MCU: variants seen among roughly 807,000 people sequenced by gnomAD.
MCU encodes calcium uniporter protein, mitochondrial.
In MCU, 12 loss-of-function variants were observed where a neutral mutation model predicts 45.2. The observed-to-expected ratio is 0.27, with a 90% CI of 0.17 to 0.43. The LOEUF (loss-of-function observed/expected upper bound fraction) is 0.43, where lower values mean the gene tolerates loss of function less well. Among genes scored for constraint, MCU ranks in the 20% least tolerant of loss-of-function variants. MCU has a pLI of 1.00. For missense variants in MCU, 324 were observed against 436.7 expected, an observed-to-expected ratio of 0.74 and a Z score of 2.30; for synonymous variants, 160 against 165.1, an observed-to-expected ratio of 0.97 and a Z score of 0.24.
At chr10:72,812,586 A>G (rs1462814950) in intron 1 of MCU, among the ~76,000 whole-genome samples, 3 of 152,186 alleles carry the variant, frequency 2.0e-5, no homozygotes, top group Non-Finnish European at 4.4e-5. Context: ...CAAAAGGACA[A>G]AGGAACCTCA....
At chr10:72,705,339 C>G (rs1458344584) in intron 1 of MCU, among the ~76,000 whole-genome samples, 1 of 152,100 alleles carries the variant, frequency 6.6e-6, no homozygotes, top group East Asian at 1.9e-4. Flanking sequence ...CTACTCTGTT[C>G]CATAGAATTT....
At chr10:72,696,942 C>T (rs1194895991) in intron 1 of MCU, among the ~76,000 whole-genome samples, 1 of 151,952 alleles carries the variant, frequency 6.6e-6, no homozygotes, top group Non-Finnish European at 1.5e-5. Context: ...GAGTTGGTAC[C>T]ATTGGATTAG....
intron 5 of MCU, among the ~76,000 whole-genome samples, chr10:72,869,603 AAAAC>A (rs1406610801): frequency 6.6e-6 from 1 of 152,184 alleles, no homozygotes; most frequent in Non-Finnish European, 1.5e-5. Context: ...AACAAACAAA[AAAAC>A]AACAACAACA....
chr10:72,885,998 C>A lies in MCU; in HGVS notation c.*176C>A. 1 of 575,726 alleles carries A rather than the reference C, an allele frequency of 1.7e-6. No individual in the cohort carries two copies. Among genetic ancestry groups the A allele is most frequent in the East Asian group, 2.9e-5 (1 of 34,356 alleles). 35.7% of individuals were successfully genotyped at this position (575,726 alleles called of 1,614,324 possible). A position where few individuals can be genotyped will look rare whatever the true frequency, so the allele number is the denominator to read the frequency against. The stretch of plus-strand genomic sequence containing the variant: ...GGAATGTTAAAACCTGAGGATCAGG[C>A]ATTGTGGAATATAAGCTCAAAGGGC... On this transcript the variant is annotated 3_prime_UTR_variant, in exon 8 of 8. Coordinates refer to ENST00000373053, the MANE Select transcript of MCU (RefSeq NM_138357.3).
intron 1 of MCU, among the ~76,000 whole-genome samples, chr10:72,803,762 G>A (rs1311142300): frequency 2.0e-5 from 3 of 150,956 alleles, no homozygotes; most frequent in African/African-American, 7.3e-5. Flanking sequence ...ATTGTTTTAT[G>A]GAAATTATTT....
intron 4 of MCU, among the ~76,000 whole-genome samples, chr10:72,861,093 C>T (rs904531219): frequency 2.0e-5 from 3 of 152,030 alleles, no homozygotes; most frequent in African/African-American, 7.2e-5. Context: ...GGCATAATCA[C>T]AGCTCACTGC....
chr10:72,779,826 T>C (rs1843961582), intron 1 of MCU, among the ~76,000 whole-genome samples: 1 of 152,188 alleles, frequency 6.6e-6, no homozygotes, highest in South Asian at 2.1e-4. Context: ...TTCATTGCTG[T>C]TGGGATTGTA....
chr10:72,714,488 C>T (rs1250817753), intron 1 of MCU, among the ~76,000 whole-genome samples: 6 of 151,648 alleles, frequency 4.0e-5, no homozygotes, highest in Admixed American at 1.3e-4. Context: ...CCACCACACC[C>T]AGCTAACTCC....
intron 1 of MCU, among the ~76,000 whole-genome samples, chr10:72,789,069 G>T (rs929649689): frequency 2.0e-5 from 3 of 152,100 alleles, no homozygotes; most frequent in Admixed American, 2.0e-4. Flanking sequence ...TAGAATGATT[G>T]TGTCTACTCC....
At chr10:72,829,322 C>T in intron 1 of MCU, among the ~76,000 whole-genome samples, 1 of 116,684 alleles carries the variant, frequency 8.6e-6, no homozygotes, top group Middle Eastern at 4.4e-3. Context: ...GACACTGTCT[C>T]AAAAAAAAAA....
At chr10:72,705,394 A>G (rs986298567) in intron 1 of MCU, among the ~76,000 whole-genome samples, 1 of 152,088 alleles carries the variant, frequency 6.6e-6, no homozygotes, top group South Asian at 2.1e-4. Flanking sequence ...GAAAGGATAT[A>G]TTCTGGGTTG....
chr10:72,736,359 C>T (rs1247720345), intron 1 of MCU: 2 of 152,196 alleles, frequency 1.3e-5, no homozygotes, highest in African/African-American at 2.4e-5. Flanking sequence ...CAGTAAGGCC[C>T]TGACTGCTGC....
At chr10:72,753,522 T>C (rs1308526428) in intron 1 of MCU, among the ~76,000 whole-genome samples, 7 of 152,202 alleles carry the variant, frequency 4.6e-5, no homozygotes, top group Non-Finnish European at 1.0e-4. Flanking sequence ...AGTTACAGTT[T>C]ATTGAGAACC....
At chr10:72,863,479 A>T (rs1422511797) in intron 4 of MCU, among the ~76,000 whole-genome samples, 1 of 152,248 alleles carries the variant, frequency 6.6e-6, no homozygotes, top group Non-Finnish European at 1.5e-5. Context: ...ATGGAAAGAT[A>T]TTCTTTAAAT....
intron 1 of MCU, among the ~76,000 whole-genome samples, chr10:72,713,947 TTGTGTGTGTGTGTGTGTGTG>T (rs72292523): frequency 1.4e-5 from 2 of 139,106 alleles, no homozygotes; most frequent in African/African-American, 5.5e-5. Flanking sequence ...CTTTCATCAT[TTGTGTGTGTGTGTGTGTGTG>T]TGTGTGTGTG....
At chr10:72,847,315 C>G (rs918401198) in intron 2 of MCU, among the ~76,000 whole-genome samples, 1 of 152,144 alleles carries the variant, frequency 6.6e-6, no homozygotes, top group African/African-American at 2.4e-5. Flanking sequence ...ACCTGGGGTT[C>G]TCCACAGATC....
chr10:72,745,247 A>C (rs1342782960), intron 1 of MCU, among the ~76,000 whole-genome samples: 1 of 150,464 alleles, frequency 6.6e-6, no homozygotes, highest in Non-Finnish European at 1.5e-5. Context: ...TTTTTTTTTG[A>C]GATGGAGTTT....
chr10:72,696,498 T>A (rs1258902004), intron 1 of MCU, among the ~76,000 whole-genome samples: 6 of 152,188 alleles, frequency 3.9e-5, no homozygotes, highest in Non-Finnish European at 8.8e-5. Context: ...GAATCTTGAT[T>A]TGTGTAATTC....
At chr10:72,810,022 TTGTA>T (rs10539081) in intron 1 of MCU, among the ~76,000 whole-genome samples, 69,403 of 150,006 alleles carry the variant, frequency 0.46, 19,893 homozygotes, top group Non-Finnish European at 0.67. Context: ...GTGTGTGTGT[TTGTA>T]TGTGTGTGCG....
Sources: allele counts gnomAD v4.1 joint callset (sites outside exome capture counted in the v4.1 genomes callset), GRCh38; gene constraint gnomAD v4.1.1; transcripts MANE v1.5; gene names NCBI Gene and HGNC (gene_info 2026-07-23, HGNC 2026-07-21).